FBXL4: variants seen among roughly 807,000 people sequenced by gnomAD.
The protein encoded by FBXL4 is F-box and leucine rich repeat protein 4.
FBXL4 carries 40 observed loss-of-function variants against 58.9 expected under a neutral mutation model. The observed-to-expected ratio is 0.68, with a 90% CI of 0.53 to 0.88. The LOEUF is 0.88. FBXL4 is among the 40% of genes least tolerant of loss of function. The pLI, the probability that FBXL4 is intolerant of heterozygous loss-of-function variation, is 0.00. For synonymous variants in FBXL4, 263 were observed against 265.5 expected (o/e 0.99, Z 0.09); for missense variants, 676 against 734.4 (o/e 0.92, Z 0.92).
chr6:98,911,723 TG>T (rs1352145082), intron 5 of FBXL4, among the ~76,000 whole-genome samples: 1 of 151,654 alleles, frequency 6.6e-6, no homozygotes, highest in Non-Finnish European at 1.5e-5. Flanking sequence ...ACCACAAAGA[TG>T]GGGGAAAAAC....
chr6:98,892,961 T>C (rs1771279540), intron 7 of FBXL4, among the ~76,000 whole-genome samples: 1 of 152,212 alleles, frequency 6.6e-6, no homozygotes, highest in South Asian at 2.1e-4. Flanking sequence ...CAATCAAAAC[T>C]GGATGCAGGT....
At chr6:98,879,394 A>G (rs1290768733) in intron 8 of FBXL4, among the ~76,000 whole-genome samples, 2 of 152,212 alleles carry the variant, frequency 1.3e-5, no homozygotes, top group East Asian at 1.9e-4. Context: ...GAATTCTTCC[A>G]GTCAGTTACA....
rs1025181988 is a variant in FBXL4, at chr6:98,927,041, T to C, written c.-53A>G. On this transcript the variant is annotated 5_prime_UTR_variant, in exon 4 of 10. An upstream start codon of the reference 5' UTR is lost. Transcript: ENST00000369244. ...GGTCAGGTGTCCTCAGTAAGATGCA[T>C]GAACTCTTTGAAGGATGTTCTAAAA... 120 of 1,536,728 alleles carry C rather than the reference T, an allele frequency of 7.8e-5. No individual in the cohort carries two copies. The highest frequency in any genetic ancestry group is 2.7e-4 in the Admixed American group (14 of 51,746).
At chr6:98,928,062 G>A (rs569655714) in intron 2 of FBXL4, among the ~76,000 whole-genome samples, 9 of 152,224 alleles carry the variant, frequency 5.9e-5, no homozygotes, top group African/African-American at 2.2e-4. Context: ...AACTATGTTT[G>A]TATACATATT....
chr6:98,914,134 A>C (rs1772225796), intron 5 of FBXL4, among the ~76,000 whole-genome samples: 1 of 152,210 alleles, frequency 6.6e-6, no homozygotes, highest in South Asian at 2.1e-4. Flanking sequence ...TGAATCTCTG[A>C]ATAGACCAAT....
rs1770427413 is a variant in FBXL4 at position 98,869,104 on chromosome 6, GT to G, written c.*5173del. On this transcript the variant is annotated 3_prime_UTR_variant, in exon 10 of 10. Coordinates refer to ENST00000369244, the MANE Select transcript of FBXL4 (RefSeq NM_001278716.2). Reference sequence around the variant, plus strand: ...ACACTCACAGCCTAGGTTTCTAGTAGTATGTTGTCAAAAAAAGCAAATGAGG... The same window carrying G: ...ACACTCACAGCCTAGGTTTCTAGTAGATGTTGTCAAAAAAAGCAAATGAGG... 1 of 152,164 alleles carries G rather than the reference GT, an allele frequency of 6.6e-6. No homozygotes were observed. The highest frequency in any genetic ancestry group is 6.5e-5 in the Admixed American group (1 of 15,276). 9.4% of individuals were successfully genotyped at this position (152,164 alleles called of 1,614,324 possible).
intron 2 of FBXL4, among the ~76,000 whole-genome samples, chr6:98,932,884 C>G (rs1451589959): frequency 6.8e-6 from 1 of 146,684 alleles, no homozygotes; most frequent in Non-Finnish European, 1.5e-5. Context: ...CAAAAGAGCC[C>G]ACAGAGACAT....
intron 7 of FBXL4, chr6:98,896,694 C>A: frequency 1.3e-6 from 1 of 767,680 alleles, no homozygotes; most frequent in Non-Finnish European, 1.6e-6. Context: ...GATATTTTAC[C>A]AGATGAGCCA....
intron 4 of FBXL4, among the ~76,000 whole-genome samples, chr6:98,924,540 G>C (rs1452692045): frequency 3.3e-5 from 5 of 152,148 alleles, no homozygotes; most frequent in Admixed American, 2.6e-4. Context: ...CTGGGCGACA[G>C]AGTGAGACCC....
Position 98,927,842 on chromosome 6 carries a change from G to A in FBXL4, c.-190-20C>T, listed in dbSNP as rs1040445506. 1.3e-5 allele frequency: 2 copies of A among 152,130 alleles called. No individual in the cohort carries two copies. Among genetic ancestry groups the A allele is most frequent in the African/African-American group, 4.8e-5 (2 of 41,422 alleles). 9.4% of individuals were successfully genotyped at this position (152,130 alleles called of 1,614,324 possible). On this transcript the variant is annotated intron_variant, in intron 2 of 9. Coordinates refer to ENST00000369244, the MANE Select transcript of FBXL4 (RefSeq NM_001278716.2). ...TTTTACCTGTAAGAAAAGAGTTTTG[G>A]AAAATATTTTTATGTCCAAGTCACA...
intron 1 of FBXL4, among the ~76,000 whole-genome samples, chr6:98,942,792 G>A (rs1191007305): frequency 6.6e-6 from 1 of 152,048 alleles, no homozygotes. Flanking sequence ...AACCAAGAAT[G>A]TAAAGAAGGC....
At chr6:98,913,851 C>T (rs1318301401) in intron 5 of FBXL4, among the ~76,000 whole-genome samples, 1 of 152,090 alleles carries the variant, frequency 6.6e-6, no homozygotes, top group Non-Finnish European at 1.5e-5. Flanking sequence ...CATAAAAAAA[C>T]CCTTCAAAAA....
chr6:98,875,029 A>T (rs1461672551), intron 9 of FBXL4, among the ~76,000 whole-genome samples: 1 of 152,216 alleles, frequency 6.6e-6, no homozygotes, highest in Non-Finnish European at 1.5e-5. Flanking sequence ...GATATTCCTT[A>T]ATCAAGAATT....
At chr6:98,913,043 C>T (rs956265010) in intron 5 of FBXL4, among the ~76,000 whole-genome samples, 2 of 151,984 alleles carry the variant, frequency 1.3e-5, no homozygotes, top group African/African-American at 2.4e-5. Context: ...TCTGATAAAA[C>T]AGACTTTAAA....
chr6:98,883,600 T>C (rs1770928014), intron 7 of FBXL4, among the ~76,000 whole-genome samples: 1 of 151,922 alleles, frequency 6.6e-6, no homozygotes, highest in African/African-American at 2.4e-5. Flanking sequence ...TTGATTCTTA[T>C]ATGGTAGGAT....
intron 7 of FBXL4, among the ~76,000 whole-genome samples, chr6:98,895,129 T>C (rs567902492): frequency 3.3e-5 from 5 of 152,322 alleles, no homozygotes; most frequent in Admixed American, 2.6e-4. Context: ...TCTGTCTCAA[T>C]GCTGCTCTCC....
At chr6:98,896,181 G>C (rs1051517803) in intron 7 of FBXL4, among the ~76,000 whole-genome samples, 1 of 152,106 alleles carries the variant, frequency 6.6e-6, no homozygotes, top group African/African-American at 2.4e-5. Flanking sequence ...TGATTTTGTG[G>C]AACATTTAAA....
At chr6:98,928,522 G>A (rs1340242694) in intron 2 of FBXL4, among the ~76,000 whole-genome samples, 1 of 151,956 alleles carries the variant, frequency 6.6e-6, no homozygotes, top group Non-Finnish European at 1.5e-5. Flanking sequence ...TAGAAACAGG[G>A]TTTCACCATG....
intron 5 of FBXL4, among the ~76,000 whole-genome samples, chr6:98,913,093 A>G (rs1267104151): frequency 6.6e-6 from 1 of 152,194 alleles, no homozygotes; most frequent in East Asian, 1.9e-4. Context: ...CCATTACACA[A>G]TGGTAAAGGG....
Sources: gnomAD v4.1 joint callset for allele counts (sites outside exome capture counted in the v4.1 genomes callset) on GRCh38, gnomAD v4.1.1 for gene constraint, MANE v1.5 for transcripts, NCBI Gene and HGNC (gene_info 2026-07-23, HGNC 2026-07-21) for gene names.